Variants in TJP1 observed in about 807,000 individuals in gnomAD.
TJP1 encodes the protein tight junction protein 1.
TJP1 carries 43 observed loss-of-function variants against 194.2 expected under a neutral mutation model. The ratio of observed to expected loss-of-function variants is 0.22; its 90% CI spans 0.17 to 0.29. The LOEUF is 0.29. Among genes scored for constraint, TJP1 ranks in the 10% least tolerant of loss-of-function variants. The pLI is 1.00. For synonymous variants in TJP1, 801 were observed against 779.0 expected (o/e 1.03, Z -0.47); for missense variants, 1,971 against 2,185.7 (o/e 0.90, Z 1.96).
chr15:29,949,631 T>TTCA (rs1567225682), intron 2 of TJP1, among the ~76,000 whole-genome samples: 7 of 20,636 alleles, frequency 3.4e-4, no homozygotes, highest in African/African-American at 1.3e-3. Context: ...CACCTCCACC[T>TTCA]CCACCACCTC....
At chr15:29,738,865 TAAAAAAAAAAAAA>T (rs71103406) in intron 10 of TJP1, among the ~76,000 whole-genome samples, 2 of 48,864 alleles carry the variant, frequency 4.1e-5, no homozygotes, top group Non-Finnish European at 6.6e-5. Flanking sequence ...CTGTCACTAC[TAAAAAAAAAAAAA>T]AAAAAAAAAA....
intron 5 of TJP1, among the ~76,000 whole-genome samples, chr15:29,764,933 T>C (rs959943311): frequency 6.6e-6 from 1 of 151,836 alleles, no homozygotes; most frequent in African/African-American, 2.4e-5. Context: ...TTAATTGTTA[T>C]TCAACCTGAG....
At chr15:29,812,801 GT>G (rs1379185289) in intron 1 of TJP1, among the ~76,000 whole-genome samples, 1 of 152,144 alleles carries the variant, frequency 6.6e-6, no homozygotes, top group Non-Finnish European at 1.5e-5. Flanking sequence ...ACTTAGCTCA[GT>G]ATCTGTCACA....
At chr15:29,914,889 C>T (rs557759324) in intron 2 of TJP1, among the ~76,000 whole-genome samples, 2 of 152,190 alleles carry the variant, frequency 1.3e-5, no homozygotes, top group South Asian at 4.2e-4. Context: ...CACGCACACA[C>T]ATGCATGCAC....
rs2050997640 is a variant in TJP1, at chr15:29,835,551, G to A, written c.307-34849C>T. The stretch of plus-strand genomic sequence containing the variant: ...TGTAGTCCCAGCTACTGGCGAGGCT[G>A]AGGTGGGAGGATCACCTGACCCCAG... On this transcript the variant is annotated intron_variant, in intron 2 of 28. Transcript: ENST00000356107. 2.0e-5 allele frequency among the ~76,000 whole-genome samples: 3 copies of A among 152,216 alleles called. No homozygotes were observed. The South Asian group carries it at 6.2e-4, about 32-fold the overall frequency.
chr15:29,726,012 G>A (rs2043217043), intron 18 of TJP1, among the ~76,000 whole-genome samples: 1 of 152,122 alleles, frequency 6.6e-6, no homozygotes, highest in South Asian at 2.1e-4. Context: ...TTTGGGAGAT[G>A]CTCATCTAGG....
intron 2 of TJP1, among the ~76,000 whole-genome samples, chr15:29,865,557 AT>A (rs1456782469): frequency 1.3e-5 from 2 of 152,228 alleles, no homozygotes; most frequent in African/African-American, 4.8e-5. Context: ...TGTAAAAATT[AT>A]TTTAACAAAT....
chr15:29,705,452 A>T, intron 26 of TJP1, 76 bp downstream of exon 26: 2 of 1,418,836 alleles, frequency 1.4e-6, no homozygotes, highest in Admixed American at 1.9e-5. Flanking sequence ...TTATTAGCCA[A>T]GCACTATAAG....
intron 27 of TJP1, among the ~76,000 whole-genome samples, chr15:29,702,189 A>C (rs1365562928): frequency 1.3e-5 from 2 of 152,076 alleles, no homozygotes; most frequent in African/African-American, 4.8e-5. Context: ...TCAACTATAA[A>C]CCAACAAATG....
chr15:29,899,705 A>C (rs984716519), intron 2 of TJP1, among the ~76,000 whole-genome samples: 6 of 152,236 alleles, frequency 3.9e-5, no homozygotes, highest in African/African-American at 1.2e-4. Context: ...AATCATAATA[A>C]AGTTGTCAGT....
rs556908122 is a variant in TJP1, at chr15:29,917,098, C to G, written c.306+39134G>C. On this transcript the variant is annotated intron_variant, in intron 2 of 28. Coordinates refer to the TJP1 transcript ENST00000356107. Reference sequence around the variant, plus strand: ...GTTTTCTGCTTTCTTTAAGAACTGTCTCGTCCTATCAGGACACACAGCTAT... The same window carrying G: ...GTTTTCTGCTTTCTTTAAGAACTGTGTCGTCCTATCAGGACACACAGCTAT... 1.5e-4 allele frequency among the ~76,000 whole-genome samples: 23 copies of G among 152,284 alleles called. No individual in the cohort carries two copies. The South Asian group carries it at 4.8e-3, about 32-fold the overall frequency.
At chr15:29,963,449 G>T (rs1460561720) in intron 1 of TJP1, among the ~76,000 whole-genome samples, 1 of 152,080 alleles carries the variant, frequency 6.6e-6, no homozygotes, top group Admixed American at 6.5e-5. Context: ...AAGATACTTG[G>T]AAAGCACTAA....
chr15:29,880,380 C>A (rs1432770893), intron 2 of TJP1, among the ~76,000 whole-genome samples: 1 of 152,120 alleles, frequency 6.6e-6, no homozygotes, highest in Non-Finnish European at 1.5e-5. Flanking sequence ...GATACTATCC[C>A]CACAATCAAG....
At chr15:29,950,057 TCCACCA>T (rs1158366520) in intron 2 of TJP1, among the ~76,000 whole-genome samples, 1 of 12,362 alleles carries the variant, frequency 8.1e-5, no homozygotes, top group African/African-American at 2.9e-4. Flanking sequence ...CACCACCACC[TCCACCA>T]CCACCACCTC....
chr15:29,712,323 C>T (rs1259115018), intron 23 of TJP1, among the ~76,000 whole-genome samples: 1 of 152,130 alleles, frequency 6.6e-6, no homozygotes, highest in African/African-American at 2.4e-5. Context: ...GTGAGGGACA[C>T]CTTATGGAAC....
At chr15:29,909,013 C>T (rs372119295) in intron 2 of TJP1, among the ~76,000 whole-genome samples, 4 of 151,862 alleles carry the variant, frequency 2.6e-5, no homozygotes, top group Non-Finnish European at 4.4e-5. Context: ...AAAAATTATC[C>T]GGGTGTGGTG....
chr15:29,803,729 G>A (rs901737339), intron 1 of TJP1, among the ~76,000 whole-genome samples: 1 of 152,194 alleles, frequency 6.6e-6, no homozygotes, highest in East Asian at 1.9e-4. Context: ...TCCAGGAGGA[G>A]TGCAATAAGA....
At chr15:29,916,480 C>A (rs2054191229) in intron 2 of TJP1, among the ~76,000 whole-genome samples, 1 of 151,762 alleles carries the variant, frequency 6.6e-6, no homozygotes, top group Admixed American at 6.6e-5. Flanking sequence ...AGGCTAACAT[C>A]ATCCTTAATT....
intron 9 of TJP1, 80 bp downstream of exon 9, chr15:29,742,562 T>C: frequency 7.2e-7 from 1 of 1,398,426 alleles, no homozygotes; most frequent in East Asian, 2.6e-5. Flanking sequence ...AATTGCATCT[T>C]TAAAATCTTC....
Sources: allele counts gnomAD v4.1 joint callset (sites outside exome capture counted in the v4.1 genomes callset), GRCh38; gene constraint gnomAD v4.1.1; transcripts MANE v1.5; gene names NCBI Gene and HGNC (gene_info 2026-07-23, HGNC 2026-07-21).